The following CNTN4 variants were observed in gnomAD, a reference collection of about 807,000 sequenced individuals.
The protein encoded by CNTN4 is contactin 4.
Under a neutral mutation model 122.5 loss-of-function variants are expected in CNTN4, and 77 were observed. The ratio of observed to expected loss-of-function variants is 0.63; its 90% CI spans 0.52 to 0.76. The LOEUF is 0.76. Among genes scored for constraint, CNTN4 ranks in the 30% least tolerant of loss-of-function variants. CNTN4 has a pLI of 0.00. For missense variants in CNTN4, 1,256 were observed against 1,259.1 expected, an observed-to-expected ratio of 1.00 and a Z score of 0.04; for synonymous variants, 512 against 447.0, an observed-to-expected ratio of 1.15 and a Z score of -1.83.
chr3:2,715,493 CAG>C (rs1227738530), intron 4 of CNTN4, among the ~76,000 whole-genome samples: 5 of 152,158 alleles, frequency 3.3e-5, no homozygotes, highest in Non-Finnish European at 7.4e-5. Context: ...AAGGGAATAT[CAG>C]GGGGATTTAT....
At chr3:2,239,694 T>G (rs939834100) in intron 2 of CNTN4, among the ~76,000 whole-genome samples, 1 of 152,210 alleles carries the variant, frequency 6.6e-6, no homozygotes, top group African/African-American at 2.4e-5. Flanking sequence ...AGCAGTCTTC[T>G]TCTTATAATT....
At position 2,842,228 on chromosome 3, in the gene CNTN4, A is replaced by T. The variant is rs139040192; in HGVS notation, c.454+22647A>T. On this transcript the variant is annotated intron_variant, in intron 7 of 24. Transcript: ENST00000418658. ...AGGGCTGTGTGAAGAGAACCTTGAA[A>T]CAGATGCTGCAATAATCCAAGTAAG... 2.9e-4 allele frequency among the ~76,000 whole-genome samples: 44 copies of T among 152,250 alleles called. 1 individual carries two copies. The East Asian group carries it at 7.7e-3, about 27-fold the overall frequency.
chr3:2,312,998 T>C (rs1179522062), intron 2 of CNTN4, among the ~76,000 whole-genome samples: 1 of 151,960 alleles, frequency 6.6e-6, no homozygotes, highest in Non-Finnish European at 1.5e-5. Context: ...CAAATATATA[T>C]AGCCTTAAAA....
chr3:2,453,105 G>A (rs977040739), intron 3 of CNTN4, among the ~76,000 whole-genome samples: 12 of 151,858 alleles, frequency 7.9e-5, no homozygotes, highest in Non-Finnish European at 1.3e-4. Flanking sequence ...GAAAAGAAAT[G>A]GTAATGATAA....
intron 3 of CNTN4, among the ~76,000 whole-genome samples, chr3:2,367,664 AGTAGAGACAGGG>A (rs1376291572): frequency 6.6e-6 from 1 of 152,140 alleles, no homozygotes; most frequent in East Asian, 1.9e-4. Context: ...TTGTAATTTT[AGTAGAGACAGGG>A]GTTTCACCAT....
At chr3:2,306,935 G>T (rs867883347) in intron 2 of CNTN4, among the ~76,000 whole-genome samples, 70 of 151,974 alleles carry the variant, frequency 4.6e-4, no homozygotes, top group African/African-American at 1.6e-3. Flanking sequence ...CTAGTGTATA[G>T]AAATAAAACT....
At chr3:2,718,827 T>C (rs1363799085) in intron 4 of CNTN4, among the ~76,000 whole-genome samples, 1 of 152,206 alleles carries the variant, frequency 6.6e-6, no homozygotes, top group Non-Finnish European at 1.5e-5. Flanking sequence ...ATTTTACTTT[T>C]TGTTTTTAAA....
chr3:2,174,543 G>A (rs1253611543), intron 2 of CNTN4, among the ~76,000 whole-genome samples: 1 of 152,044 alleles, frequency 6.6e-6, no homozygotes, highest in African/African-American at 2.4e-5. Context: ...TTTGATGAGG[G>A]CACTAATCTC....
Position 2,888,194 on chromosome 3 carries a change from A to C in CNTN4, c.940+970A>C, listed in dbSNP as rs112869482. ...TGACCGAAGTTCTAAGCCCTCCAGT[A>C]GACAGAAGGGGACCCCTCTTGGCTA... On this transcript the variant is annotated intron_variant, in intron 10 of 24. Coordinates refer to ENST00000418658, the MANE Select transcript of CNTN4 (RefSeq NM_175607.3). Among the ~76,000 whole-genome samples, 430 of 152,308 alleles carry C rather than the reference A, an allele frequency of 2.8e-3. 4 individuals carry two copies. The highest frequency in any genetic ancestry group is 9.8e-3 in the African/African-American group (407 of 41,564).
At chr3:2,682,398 C>T (rs1026295713) in intron 4 of CNTN4, among the ~76,000 whole-genome samples, 3 of 152,058 alleles carry the variant, frequency 2.0e-5, no homozygotes, top group Non-Finnish European at 4.4e-5. Context: ...ATGTCAGAGA[C>T]CCCTTTAGTC....
chr3:2,736,850 C>A (rs1008116447), intron 5 of CNTN4, among the ~76,000 whole-genome samples: 27 of 151,638 alleles, frequency 1.8e-4, no homozygotes, highest in African/African-American at 5.8e-4. Context: ...AGTGTGCGAC[C>A]ACTGCTCACT....
At chr3:2,528,274 T>G (rs528286341) in intron 3 of CNTN4, among the ~76,000 whole-genome samples, 1 of 152,298 alleles carries the variant, frequency 6.6e-6, no homozygotes, top group South Asian at 2.1e-4. Flanking sequence ...CCTCTAAAAT[T>G]TTATTATTTT....
chr3:2,489,144 A>G (rs983497550), intron 3 of CNTN4, among the ~76,000 whole-genome samples: 2 of 152,216 alleles, frequency 1.3e-5, no homozygotes, highest in Non-Finnish European at 2.9e-5. Flanking sequence ...GCACTATTGA[A>G]ATCACTCAAT....
intron 7 of CNTN4, among the ~76,000 whole-genome samples, chr3:2,854,517 CCTGCCT>C (rs1452748750): frequency 6.6e-6 from 1 of 152,082 alleles, no homozygotes; most frequent in African/African-American, 2.4e-5. Flanking sequence ...AAGTGATCCG[CCTGCCT>C]CTGCCTCCCA....
intron 4 of CNTN4, among the ~76,000 whole-genome samples, chr3:2,712,784 A>T (rs574516841): frequency 6.6e-6 from 1 of 152,332 alleles, no homozygotes; most frequent in South Asian, 2.1e-4. Context: ...GGTCAAGCTG[A>T]TCACCAGTGG....
chr3:2,982,764 T>C (rs1304863037), intron 13 of CNTN4, among the ~76,000 whole-genome samples: 3 of 152,140 alleles, frequency 2.0e-5, no homozygotes, highest in East Asian at 1.9e-4. Flanking sequence ...AGCTTTCCCA[T>C]TGAAAACAGT....
At chr3:2,692,095 T>A (rs527339262) in intron 4 of CNTN4, among the ~76,000 whole-genome samples, 2 of 132,196 alleles carry the variant, frequency 1.5e-5, no homozygotes, top group South Asian at 6.2e-4. Flanking sequence ...AAATCTCAGA[T>A]TCTTAAACTT....
intron 4 of CNTN4, among the ~76,000 whole-genome samples, chr3:2,692,477 G>A (rs113685117): frequency 1.6e-4 from 25 of 152,244 alleles, no homozygotes; most frequent in African/African-American, 7.2e-5. Flanking sequence ...TTTGGAACAC[G>A]TGGGATCTTT....
intron 2 of CNTN4, among the ~76,000 whole-genome samples, chr3:2,103,852 C>T (rs1278275869): frequency 6.6e-6 from 1 of 152,152 alleles, no homozygotes; most frequent in Non-Finnish European, 1.5e-5. Context: ...TCTGCCTCAT[C>T]TTATGTTTCC....
Sources: gnomAD v4.1 joint callset for allele counts (sites outside exome capture counted in the v4.1 genomes callset) on GRCh38, gnomAD v4.1.1 for gene constraint, MANE v1.5 for transcripts, NCBI Gene and HGNC (gene_info 2026-07-23, HGNC 2026-07-21) for gene names.